The following CCDC102B variants were observed in gnomAD, a reference collection of about 807,000 sequenced individuals.
CCDC102B encodes coiled-coil domain-containing protein 102B.
A neutral mutation model predicts 57.4 loss-of-function variants in CCDC102B; 75 were observed. The ratio of observed to expected loss-of-function variants is 1.31; its 90% CI spans 1.08 to 1.58. The LOEUF is 1.58. CCDC102B is among the 40% of genes most tolerant of loss of function. The pLI, the probability that CCDC102B is intolerant of heterozygous loss-of-function variation, is 0.00. For synonymous variants in CCDC102B, 206 were observed against 201.9 expected (o/e 1.02, Z -0.17); for missense variants, 636 against 582.6 (o/e 1.09, Z -0.94).
chr18:68,958,758 C>A (rs1364493969), intron 6 of CCDC102B, among the ~76,000 whole-genome samples: 4 of 152,072 alleles, frequency 2.6e-5, no homozygotes, highest in African/African-American at 9.7e-5. Flanking sequence ...GTTCTTTCTT[C>A]TGTTTGTTCA....
At chr18:68,841,729 T>A (rs1054368227) in intron 3 of CCDC102B, among the ~76,000 whole-genome samples, 2 of 151,950 alleles carry the variant, frequency 1.3e-5, no homozygotes, top group Non-Finnish European at 2.9e-5. Context: ...TCATTTTATC[T>A]TTTTTTTCTT....
chr18:68,730,482 G>T (rs1413751018), intron 2 of CCDC102B, among the ~76,000 whole-genome samples: 1 of 152,066 alleles, frequency 6.6e-6, no homozygotes, highest in Non-Finnish European at 1.5e-5. Flanking sequence ...GACCTTATTT[G>T]TAGTTATTAT....
intron 6 of CCDC102B, among the ~76,000 whole-genome samples, chr18:68,970,814 T>C (rs1233963578): frequency 6.6e-6 from 1 of 151,996 alleles, no homozygotes; most frequent in Admixed American, 6.6e-5. Context: ...TCTGTAATAA[T>C]TGGGAAGTAG....
intron 7 of CCDC102B, among the ~76,000 whole-genome samples, chr18:69,039,568 A>G (rs1250789445): frequency 6.6e-6 from 1 of 151,902 alleles, no homozygotes; most frequent in East Asian, 1.9e-4. Context: ...TGATTGTACT[A>G]TTATTAATTA....
intron 2 of CCDC102B, among the ~76,000 whole-genome samples, chr18:68,762,397 T>G (rs2034281950): frequency 6.6e-6 from 1 of 152,110 alleles, no homozygotes. Context: ...TGTTGTTTGT[T>G]TTTTGTTTTT....
intron 6 of CCDC102B, among the ~76,000 whole-genome samples, chr18:68,942,387 C>A (rs552647103): frequency 2.0e-5 from 3 of 151,938 alleles, no homozygotes; most frequent in South Asian, 4.2e-4. Flanking sequence ...CCCAGGGGAC[C>A]GGTGCTCAGC....
At chr18:68,753,961 T>C (rs2033955234) in intron 2 of CCDC102B, 1 of 152,174 alleles carries the variant, frequency 6.6e-6, no homozygotes, top group Non-Finnish European at 1.5e-5. Context: ...TCAAATATTC[T>C]ATTTTCTTTT....
chr18:68,943,128 A>G (rs2049433645), intron 6 of CCDC102B, among the ~76,000 whole-genome samples: 1 of 147,832 alleles, frequency 6.8e-6, no homozygotes, highest in Non-Finnish European at 1.5e-5. Context: ...GATTAACAGT[A>G]TCTCAAGGCA....
intron 1 of CCDC102B, among the ~76,000 whole-genome samples, chr18:68,810,671 C>CTTTGTTTGTTTTTTTTT (rs1568263108): frequency 2.9e-5 from 2 of 70,070 alleles, no homozygotes; most frequent in East Asian, 3.7e-4. Context: ...ATTTTCTTTT[C>CTTTGTTTGTTTTTTTTT]TTTTCTTTGT....
intron 2 of CCDC102B, among the ~76,000 whole-genome samples, chr18:68,782,239 T>C (rs1478129172): frequency 6.6e-6 from 1 of 152,120 alleles, no homozygotes; most frequent in African/African-American, 2.4e-5. Context: ...AAAGTTTATA[T>C]TTTTACTTAT....
At chr18:68,828,592 G>A (rs2037009795) in intron 1 of CCDC102B, among the ~76,000 whole-genome samples, 2 of 151,510 alleles carry the variant, frequency 1.3e-5, no homozygotes, top group African/African-American at 2.4e-5. Flanking sequence ...GTAGTGCAGA[G>A]AAGAAAGATC....
chr18:69,047,523 A>G (rs931309257), intron 7 of CCDC102B, among the ~76,000 whole-genome samples: 1 of 152,090 alleles, frequency 6.6e-6, no homozygotes, highest in Admixed American at 6.6e-5. Context: ...TCAACATAGT[A>G]TGAGAAGCCC....
At chr18:68,883,277 G>A (rs1341693631) in intron 5 of CCDC102B, among the ~76,000 whole-genome samples, 1 of 152,044 alleles carries the variant, frequency 6.6e-6, no homozygotes, top group African/African-American at 2.4e-5. Context: ...CAGGCATGGT[G>A]GCACATGCCT....
At chr18:68,787,025 T>C (rs1599459432) in intron 2 of CCDC102B, among the ~76,000 whole-genome samples, 1 of 151,340 alleles carries the variant, frequency 6.6e-6, no homozygotes, top group African/African-American at 2.4e-5. Context: ...TTATTGAGAG[T>C]TTTTAGCATG....
intron 7 of CCDC102B, among the ~76,000 whole-genome samples, chr18:69,017,215 A>C (rs1362988195): frequency 6.6e-6 from 1 of 152,130 alleles, no homozygotes; most frequent in Non-Finnish European, 1.5e-5. Context: ...TCCCGGGCTC[A>C]AGCAATCCTC....
chr18:68,728,990 T>C (rs1230907285), intron 2 of CCDC102B, among the ~76,000 whole-genome samples: 5 of 152,164 alleles, frequency 3.3e-5, no homozygotes, highest in Non-Finnish European at 5.9e-5. Context: ...AAAAAAAAGT[T>C]CATGCAAATT....
At chr18:68,849,989 T>G (rs2038050472) in intron 4 of CCDC102B, among the ~76,000 whole-genome samples, 1 of 152,098 alleles carries the variant, frequency 6.6e-6, no homozygotes, top group Non-Finnish European at 1.5e-5. Flanking sequence ...AAGGATAATT[T>G]ATATGGGCCA....
At chr18:68,986,070 A>G (rs192363381) in intron 6 of CCDC102B, among the ~76,000 whole-genome samples, 4 of 152,274 alleles carry the variant, frequency 2.6e-5, no homozygotes, top group Admixed American at 2.6e-4. Flanking sequence ...TATCTTCAAA[A>G]CCAAGAAAAT....
At chr18:69,032,082 C>G (rs2052161814) in intron 7 of CCDC102B, among the ~76,000 whole-genome samples, 2 of 151,766 alleles carry the variant, frequency 1.3e-5, no homozygotes, top group Admixed American at 1.3e-4. Flanking sequence ...TATGTGATAA[C>G]AGATTGAAAC....
Sources: gnomAD v4.1 joint callset for allele counts (sites outside exome capture counted in the v4.1 genomes callset) on GRCh38, gnomAD v4.1.1 for gene constraint, MANE v1.5 for transcripts, NCBI Gene and HGNC (gene_info 2026-07-23, HGNC 2026-07-21) for gene names.